The following MTDH variants were observed in gnomAD, a reference collection of about 807,000 sequenced individuals.
MTDH encodes the protein metadherin.
A neutral mutation model predicts 72.7 loss-of-function variants in MTDH; 34 were observed. The observed-to-expected ratio is 0.47, with a 90% confidence interval of 0.36 to 0.62. The LOEUF (loss-of-function observed/expected upper bound fraction) is 0.62. Among genes scored for constraint, MTDH ranks in the 20% least tolerant of loss-of-function variants. MTDH has a pLI of 0.00. For synonymous variants in MTDH, 266 were observed against 268.9 expected (o/e 0.99, Z 0.10); for missense variants, 677 against 699.4 (o/e 0.97, Z 0.36).
intron 5 of MTDH, among the ~76,000 whole-genome samples, chr8:97,690,333 T>C (rs1227191863): frequency 6.6e-6 from 1 of 152,178 alleles, no homozygotes; most frequent in Non-Finnish European, 1.5e-5. Context: ...CACTGTCAGC[T>C]TCCTTCATGC....
rs117021817 is a variant in MTDH at position 97,692,041 on chromosome 8, T to G, written c.1048+853T>G. Reference sequence around the variant, plus strand: ...ATTATAGACATGGCATCACCATACCTGGCTAATTTTTCTATTTTTAGTAGG... The same window carrying G: ...ATTATAGACATGGCATCACCATACCGGGCTAATTTTTCTATTTTTAGTAGG... On this transcript the variant is annotated intron_variant, in intron 6 of 11. Coordinates refer to ENST00000336273, the MANE Select transcript of MTDH (RefSeq NM_178812.4). Among the ~76,000 whole-genome samples the G allele has an allele frequency of 1.8e-3, 272 of 152,162 alleles. 5 individuals are homozygous for G. In the East Asian group the frequency reaches 0.047, roughly 26 times the overall value.
chr8:97,713,555 G>A, intron 8 of MTDH, 107 bp from the exon 9 acceptor site: 1 of 599,388 alleles, frequency 1.7e-6, no homozygotes, highest in South Asian at 2.8e-5. Flanking sequence ...TTTAGATTTT[G>A]GGAAATGAAG....
intron 2 of MTDH, among the ~76,000 whole-genome samples, chr8:97,684,847 C>T (rs1813295632): frequency 6.6e-6 from 1 of 152,190 alleles, no homozygotes. Flanking sequence ...AGGCGGATCA[C>T]TTAAGGTCAG....
At chr8:97,711,443 CTG>C (rs916505955) in intron 8 of MTDH, among the ~76,000 whole-genome samples, 10 of 151,982 alleles carry the variant, frequency 6.6e-5, no homozygotes, top group African/African-American at 2.4e-4. Context: ...GATTGCACCA[CTG>C]TACTCCAGCC....
chr8:97,723,081 C>T, intron 11 of MTDH, 46 bp downstream of exon 11: 1 of 1,581,898 alleles, frequency 6.3e-7, no homozygotes, highest in Non-Finnish European at 8.6e-7. Context: ...TTACATTTTT[C>T]ATGTGTTAAG....
intron 7 of MTDH, among the ~76,000 whole-genome samples, chr8:97,704,001 G>C (rs1814245409): frequency 6.6e-6 from 1 of 152,192 alleles, no homozygotes; most frequent in Non-Finnish European, 1.5e-5. Flanking sequence ...CTTCGCCTCT[G>C]TGCTACTATG....
In MTDH at chr8:97,654,442, G is replaced by A. The variant is rs569386231; in HGVS notation, c.382-6630G>A. 2.1e-4 allele frequency among the ~76,000 whole-genome samples: 32 copies of A among 152,230 alleles called. No individual in the cohort carries two copies. The South Asian group carries it at 6.4e-3, about 31-fold the overall frequency. On this transcript the variant is annotated intron_variant, in intron 1 of 11. Transcript: ENST00000336273. ...TCTTGTCCATTAAATGAGATAATGC[G>A]TGTAATGTGTCTAGCAAGTACTTGG...
chr8:97,697,148 A>ATTTTTTTTTT (rs1324445962), intron 6 of MTDH, among the ~76,000 whole-genome samples: 3 of 68,476 alleles, frequency 4.4e-5, no homozygotes, highest in African/African-American at 2.9e-4. Flanking sequence ...ATATATATAT[A>ATTTTTTTTTT]TATTTTTTTT....
chr8:97,697,587 G>A (rs1265568456), intron 6 of MTDH, among the ~76,000 whole-genome samples: 4 of 151,790 alleles, frequency 2.6e-5, no homozygotes, highest in East Asian at 3.9e-4. Flanking sequence ...GTGTTTTACC[G>A]TGTTAGCCAG....
rs1163730064 is a variant in MTDH, at chr8:97,687,327, T to C, written c.569-102T>C. On this transcript the variant is annotated intron_variant, in intron 3 of 11. Transcript: ENST00000336273. ...TTGGTTTTAGCTTAACATCTAAATT[T>C]ATCATGATATTTTATGTGCTCCACC... 3 of 950,054 alleles carry C rather than the reference T, an allele frequency of 3.2e-6. No individual in the cohort carries two copies. In the African/African-American group the frequency reaches 5.1e-5, roughly 16 times the overall value. 58.9% of individuals were successfully genotyped at this position (950,054 alleles called of 1,614,324 possible).
intron 2 of MTDH, among the ~76,000 whole-genome samples, chr8:97,686,003 A>G (rs1261570605): frequency 1.3e-5 from 2 of 152,186 alleles, no homozygotes; most frequent in African/African-American, 2.4e-5. Context: ...GTATGCGTAT[A>G]GGTATTTTAT....
intron 9 of MTDH, among the ~76,000 whole-genome samples, chr8:97,717,439 C>T (rs769448488): frequency 8.5e-5 from 13 of 152,088 alleles, no homozygotes; most frequent in Non-Finnish European, 1.3e-4. Context: ...ATCTTGCTGC[C>T]CTGATGTCCT....
chr8:97,675,184 G>C (rs1812786911), intron 2 of MTDH, among the ~76,000 whole-genome samples: 1 of 152,092 alleles, frequency 6.6e-6, no homozygotes, highest in Non-Finnish European at 1.5e-5. Flanking sequence ...GATGTTTATA[G>C]GGCTATAAAT....
At chr8:97,672,150 G>A (rs761059582) in intron 2 of MTDH, among the ~76,000 whole-genome samples, 8 of 152,240 alleles carry the variant, frequency 5.3e-5, no homozygotes, top group South Asian at 2.1e-4. Context: ...TGCTCTGCCT[G>A]TTTTGTAAAT....
chr8:97,722,296 T>C (rs896103946), intron 10 of MTDH, among the ~76,000 whole-genome samples: 5 of 152,174 alleles, frequency 3.3e-5, no homozygotes, highest in Non-Finnish European at 7.3e-5. Flanking sequence ...CTTATTTATA[T>C]GAAACTTAAG....
chr8:97,678,660 A>C (rs1812952711), intron 2 of MTDH, among the ~76,000 whole-genome samples: 1 of 131,376 alleles, frequency 7.6e-6, no homozygotes, highest in South Asian at 2.5e-4. Flanking sequence ...GCTGGTCTCG[A>C]ACTCCTGGCC....
At chr8:97,658,748 G>T (rs1328952149) in intron 1 of MTDH, among the ~76,000 whole-genome samples, 2 of 152,168 alleles carry the variant, frequency 1.3e-5, no homozygotes, top group Admixed American at 1.3e-4. Context: ...TGTTCAGTTG[G>T]TATAAGTCTT....
In MTDH at chr8:97,724,887, G is replaced by A; in HGVS notation, c.*217G>A. 2.7e-6 allele frequency: 1 copy of A among 373,846 alleles called. No homozygotes were observed. The highest frequency in any genetic ancestry group is 4.8e-6 in the Non-Finnish European group (1 of 209,442). 23.2% of individuals were successfully genotyped at this position (373,846 alleles called of 1,614,324 possible). On this transcript the variant is annotated 3_prime_UTR_variant, in exon 12 of 12. Coordinates refer to ENST00000336273, the MANE Select transcript of MTDH (RefSeq NM_178812.4). ...TATACTCAGTGATGGAAGACACTTG[G>A]GAAAGTCTTTTTAATAGAACAAGAA...
chr8:97,687,686 A>G (rs1279878556), intron 4 of MTDH, 81 bp downstream of exon 4: 11 of 1,236,034 alleles, frequency 8.9e-6, no homozygotes, highest in Non-Finnish European at 1.2e-5. Context: ...TTATGTCAAA[A>G]TCTGACTATT....
Sources: allele counts gnomAD v4.1 joint callset (sites outside exome capture counted in the v4.1 genomes callset), GRCh38; gene constraint gnomAD v4.1.1; transcripts MANE v1.5; gene names NCBI Gene and HGNC (gene_info 2026-07-23, HGNC 2026-07-21).